LTBP1: variants seen among roughly 807,000 people sequenced by gnomAD.
The protein encoded by LTBP1 is latent transforming growth factor beta binding protein 1.
LTBP1 carries 129 observed loss-of-function variants against 207.6 expected under a neutral mutation model. The ratio of observed to expected loss-of-function variants is 0.62; its 90% CI spans 0.54 to 0.72. The LOEUF is 0.72. LTBP1 is among the 30% of genes least tolerant of loss of function. The probability of loss-of-function intolerance (pLI) is 0.00; values close to 1 mark genes in which losing one functional copy is unlikely to be tolerated. For missense variants in LTBP1, 2,281 were observed against 2,217.2 expected, an observed-to-expected ratio of 1.03 and a Z score of -0.58; for synonymous variants, 963 against 833.7, an observed-to-expected ratio of 1.16 and a Z score of -2.67.
intron 26 of LTBP1, 141 bp downstream of exon 26, chr2:33,347,651 GATC>G: frequency 1.0e-6 from 1 of 972,346 alleles, no homozygotes; most frequent in South Asian, 1.6e-5. Flanking sequence ...AAGCTTCCAT[GATC>G]TTCTGTGCCT....
At chr2:33,273,332 T>C (rs1337868762) in intron 15 of LTBP1, among the ~76,000 whole-genome samples, 1 of 152,236 alleles carries the variant, frequency 6.6e-6, no homozygotes, top group South Asian at 2.1e-4. Flanking sequence ...AACTCATTAA[T>C]AGGCCATTTT....
intron 9 of LTBP1, among the ~76,000 whole-genome samples, chr2:33,239,498 G>T (rs1222236512): frequency 6.6e-6 from 1 of 152,062 alleles, no homozygotes; most frequent in Non-Finnish European, 1.5e-5. Context: ...ATCTATAGAG[G>T]GAGAACAAGG....
At chr2:33,347,117 CAAAA>C (rs775058448) in intron 25 of LTBP1, among the ~76,000 whole-genome samples, 1 of 51,996 alleles carries the variant, frequency 1.9e-5, no homozygotes, top group African/African-American at 7.2e-5. Context: ...GACTCCGTCT[CAAAA>C]AAAAAAAAAA....
At chr2:33,125,932 G>A (rs1450781251) in intron 4 of LTBP1, among the ~76,000 whole-genome samples, 1 of 152,136 alleles carries the variant, frequency 6.6e-6, no homozygotes, top group East Asian at 1.9e-4. Context: ...CAGTTGGTTG[G>A]TTCTGGCTCA....
At chr2:33,170,768 G>C (rs920068837) in intron 5 of LTBP1, among the ~76,000 whole-genome samples, 1 of 152,020 alleles carries the variant, frequency 6.6e-6, no homozygotes, top group African/African-American at 2.4e-5. Context: ...CCCCAGTAGG[G>C]GCAGACTGAC....
At chr2:33,057,484 C>A (rs1043895680) in intron 3 of LTBP1, among the ~76,000 whole-genome samples, 2 of 152,338 alleles carry the variant, frequency 1.3e-5, no homozygotes, top group South Asian at 4.1e-4. Context: ...GGGGGCAGCT[C>A]TCATCGGGGA....
chr2:33,077,640 G>A (rs2078155322), intron 3 of LTBP1, among the ~76,000 whole-genome samples: 1 of 152,110 alleles, frequency 6.6e-6, no homozygotes, highest in Non-Finnish European at 1.5e-5. Flanking sequence ...CATGATCCAG[G>A]CACCCCCGAA....
chr2:33,124,188 C>T (rs2081311489), intron 4 of LTBP1, among the ~76,000 whole-genome samples: 1 of 152,210 alleles, frequency 6.6e-6, no homozygotes, highest in Non-Finnish European at 1.5e-5. Flanking sequence ...GCGGGCAGAT[C>T]ACTTCAGGTC....
intron 24 of LTBP1, among the ~76,000 whole-genome samples, chr2:33,318,396 C>T (rs1204763657): frequency 6.6e-6 from 1 of 152,114 alleles, no homozygotes; most frequent in Non-Finnish European, 1.5e-5. Flanking sequence ...GGTTCCAGGC[C>T]TTGTTCCAAG....
At chr2:33,031,540 A>G (rs991358800) in intron 3 of LTBP1, among the ~76,000 whole-genome samples, 1 of 152,228 alleles carries the variant, frequency 6.6e-6, no homozygotes, top group Admixed American at 6.5e-5. Flanking sequence ...CTGCTAAACT[A>G]TGTGGTGCAT....
intron 20 of LTBP1, among the ~76,000 whole-genome samples, chr2:33,299,647 C>G (rs1431932458): frequency 2.0e-5 from 3 of 152,176 alleles, no homozygotes; most frequent in Non-Finnish European, 4.4e-5. Context: ...TTTGCACTGA[C>G]AAGGCAAGAC....
intron 2 of LTBP1, among the ~76,000 whole-genome samples, chr2:33,006,130 G>A (rs1422938796): frequency 6.6e-6 from 1 of 151,876 alleles, no homozygotes. Context: ...TTAAGAGATC[G>A]TGGCTTGGTC....
intron 3 of LTBP1, among the ~76,000 whole-genome samples, chr2:33,040,284 A>G (rs1319014533): frequency 1.3e-5 from 2 of 152,222 alleles, no homozygotes; most frequent in African/African-American, 4.8e-5. Context: ...AGCAGTGGGT[A>G]TGAGAAACTC....
At chr2:33,137,681 G>C (rs773537050) in intron 5 of LTBP1, among the ~76,000 whole-genome samples, 2 of 150,556 alleles carry the variant, frequency 1.3e-5, no homozygotes, top group Non-Finnish European at 3.0e-5. Context: ...ACATTTGCAT[G>C]GTGATTTACA....
At chr2:33,261,241 TG>T (rs2093001650) in intron 13 of LTBP1, among the ~76,000 whole-genome samples, 1 of 148,904 alleles carries the variant, frequency 6.7e-6, no homozygotes, top group Non-Finnish European at 1.5e-5. Flanking sequence ...CTCACGGTGA[TG>T]GGGGAAATTC....
intron 4 of LTBP1, among the ~76,000 whole-genome samples, chr2:33,113,812 T>C (rs1398639181): frequency 6.6e-6 from 1 of 152,226 alleles, no homozygotes; most frequent in Non-Finnish European, 1.5e-5. Context: ...TAGAGATATG[T>C]ATCTCAGTTT....
At chr2:33,264,281 G>A (rs1049692086) in intron 15 of LTBP1, among the ~76,000 whole-genome samples, 9 of 148,868 alleles carry the variant, frequency 6.0e-5, no homozygotes, top group African/African-American at 9.9e-5. Context: ...AAAAGAATAT[G>A]ATGTAATGAT....
chr2:33,362,437 A>G (rs899489210), intron 28 of LTBP1, among the ~76,000 whole-genome samples: 1 of 152,174 alleles, frequency 6.6e-6, no homozygotes, highest in Non-Finnish European at 1.5e-5. Flanking sequence ...ATACATTACT[A>G]TGTTTTTGCA....
At chr2:33,144,889 C>T (rs1003741977) in intron 5 of LTBP1, among the ~76,000 whole-genome samples, 9 of 152,046 alleles carry the variant, frequency 5.9e-5, no homozygotes, top group African/African-American at 2.2e-4. Flanking sequence ...GGAAAGCTTC[C>T]TGGAACTAAC....
Sources: gnomAD v4.1 joint callset for allele counts (sites outside exome capture counted in the v4.1 genomes callset) on GRCh38, gnomAD v4.1.1 for gene constraint, MANE v1.5 for transcripts, NCBI Gene and HGNC (gene_info 2026-07-23, HGNC 2026-07-21) for gene names.